Variants in SPRED2 observed in about 807,000 individuals in gnomAD.
SPRED2 encodes sprouty related EVH1 domain containing 2.
A neutral mutation model predicts 43.0 loss-of-function variants in SPRED2; 47 were observed. That is an observed-to-expected ratio of 1.09 (90% CI 0.87 to 1.40). The LOEUF (loss-of-function observed/expected upper bound fraction) is 1.40. Among genes scored for constraint, SPRED2 ranks in the 40% most tolerant of loss-of-function variants. The probability of loss-of-function intolerance (pLI) is 0.00; values close to 1 mark genes in which losing one functional copy is unlikely to be tolerated. For missense variants in SPRED2, 561 were observed against 586.4 expected (o/e 0.96, Z 0.45); for synonymous variants, 225 against 225.7 (o/e 1.00, Z 0.03).
At chr2:65,319,922 C>G (rs1390236831) in intron 4 of SPRED2, among the ~76,000 whole-genome samples, 1 of 152,118 alleles carries the variant, frequency 6.6e-6, no homozygotes, top group Admixed American at 6.5e-5. Context: ...TCTAATAGGC[C>G]CCACACACTG....
chr2:65,411,870 T>C (rs1439714677), intron 1 of SPRED2, among the ~76,000 whole-genome samples: 1 of 152,138 alleles, frequency 6.6e-6, no homozygotes, highest in Non-Finnish European at 1.5e-5. Context: ...GGCTCACGCC[T>C]GTAATCCCAG....
intron 4 of SPRED2, among the ~76,000 whole-genome samples, chr2:65,320,243 T>A (rs910160571): frequency 1.3e-5 from 2 of 152,210 alleles, no homozygotes; most frequent in African/African-American, 4.8e-5. Flanking sequence ...AAGCTCTCAG[T>A]ACTTAGTTCT....
intron 4 of SPRED2, among the ~76,000 whole-genome samples, chr2:65,317,548 AC>A (rs1305123479): frequency 2.2e-5 from 3 of 136,220 alleles, no homozygotes; most frequent in Admixed American, 7.0e-5. Flanking sequence ...AACAACAACA[AC>A]AACAACAACA....
intron 4 of SPRED2, among the ~76,000 whole-genome samples, chr2:65,317,110 A>G (rs1673263115): frequency 6.6e-6 from 1 of 152,238 alleles, no homozygotes; most frequent in African/African-American, 2.4e-5. Flanking sequence ...CCCAGCCACC[A>G]GACCCTGGAA....
intron 4 of SPRED2, among the ~76,000 whole-genome samples, chr2:65,321,529 AAG>A (rs201979993): frequency 0.1 from 13,962 of 136,270 alleles, 1,164 homozygotes; most frequent in South Asian, 0.16. Context: ...AAAAAAAAAA[AAG>A]ATGTCCAATT....
intron 2 of SPRED2, 51 bp from the exon 3 acceptor site, chr2:65,334,824 T>A (rs757624821): frequency 1.3e-6 from 2 of 1,597,462 alleles, no homozygotes; most frequent in Non-Finnish European, 1.7e-6. Context: ...GCCATGATGA[T>A]GTCTGGTTAC....
intron 1 of SPRED2, among the ~76,000 whole-genome samples, chr2:65,408,003 T>C (rs186072665): frequency 6.6e-6 from 1 of 152,326 alleles, no homozygotes; most frequent in Non-Finnish European, 1.5e-5. Context: ...CATTCCCTAA[T>C]AGGCCACCAA....
At chr2:65,388,841 A>T (rs569005311) in intron 1 of SPRED2, among the ~76,000 whole-genome samples, 1 of 152,316 alleles carries the variant, frequency 6.6e-6, no homozygotes, top group Admixed American at 6.5e-5. Context: ...TTCTTTAATT[A>T]AAATGGTCTT....
intron 1 of SPRED2, among the ~76,000 whole-genome samples, chr2:65,400,774 T>G (rs916322291): frequency 3.3e-5 from 5 of 152,130 alleles, no homozygotes; most frequent in African/African-American, 9.7e-5. Flanking sequence ...AATCCAGAAT[T>G]CAGGATTCTG....
At chr2:65,425,824 G>A (rs1676543392) in intron 1 of SPRED2, among the ~76,000 whole-genome samples, 1 of 152,156 alleles carries the variant, frequency 6.6e-6, no homozygotes, top group African/African-American at 2.4e-5. Context: ...TGAGATGACG[G>A]GGTCTTTTTA....
chr2:65,325,627 G>A (rs547865132), intron 4 of SPRED2, among the ~76,000 whole-genome samples: 35 of 152,204 alleles, frequency 2.3e-4, no homozygotes, highest in African/African-American at 7.7e-4. Flanking sequence ...GACTAAGCCC[G>A]TTGCTTAGTT....
chr2:65,387,236 C>A (rs754231315), intron 1 of SPRED2, among the ~76,000 whole-genome samples: 1 of 152,144 alleles, frequency 6.6e-6, no homozygotes, highest in Non-Finnish European at 1.5e-5. Flanking sequence ...CATTGCTGAC[C>A]GGAACAATCT....
intron 1 of SPRED2, among the ~76,000 whole-genome samples, chr2:65,422,420 T>C (rs759088193): frequency 7.2e-5 from 11 of 152,172 alleles, no homozygotes; most frequent in Non-Finnish European, 1.5e-4. Flanking sequence ...TCTAGCATCC[T>C]AGAATGTAAG....
At chr2:65,353,412 G>C (rs1011476693) in intron 1 of SPRED2, among the ~76,000 whole-genome samples, 1 of 152,136 alleles carries the variant, frequency 6.6e-6, no homozygotes, top group African/African-American at 2.4e-5. Context: ...TATTAAAAGA[G>C]GCCGTTTCCT....
chr2:65,378,941 C>T (rs763595651), intron 1 of SPRED2, among the ~76,000 whole-genome samples: 4 of 152,118 alleles, frequency 2.6e-5, no homozygotes, highest in African/African-American at 4.8e-5. Flanking sequence ...CAAGGGTAAG[C>T]GAATGAGAAA....
intron 1 of SPRED2, among the ~76,000 whole-genome samples, chr2:65,354,809 C>A (rs918117440): frequency 1.3e-5 from 2 of 152,138 alleles, no homozygotes; most frequent in Non-Finnish European, 1.5e-5. Context: ...TAAACATGGG[C>A]AACGAAGTGT....
At chr2:65,366,817 T>G (rs758598030) in intron 1 of SPRED2, 2 of 1,256,812 alleles carry the variant, frequency 1.6e-6, no homozygotes, top group Admixed American at 8.2e-5. Flanking sequence ...ATAGGCCTGT[T>G]GTGTCATTAC....
downstream of SPRED2, among the ~76,000 whole-genome samples, chr2:65,310,584 G>C (rs1673042747): frequency 6.6e-6 from 1 of 152,064 alleles, no homozygotes; most frequent in South Asian, 2.1e-4. Context: ...GCGCTCGTTG[G>C]GGAAGCCAGG....
intron 1 of SPRED2, among the ~76,000 whole-genome samples, chr2:65,395,720 G>A (rs1449955069): frequency 1.3e-5 from 2 of 152,170 alleles, no homozygotes; most frequent in Non-Finnish European, 2.9e-5. Flanking sequence ...AAACAGGTTA[G>A]GGGTATCGGG....
Sources: allele counts gnomAD v4.1 joint callset (sites outside exome capture counted in the v4.1 genomes callset), GRCh38; gene constraint gnomAD v4.1.1; transcripts MANE v1.5; gene names NCBI Gene and HGNC (gene_info 2026-07-23, HGNC 2026-07-21).